Variants in GALNT10 observed in about 807,000 individuals in gnomAD.
The protein encoded by GALNT10 is GalNAc transferase 10.
GALNT10 carries 41 observed loss-of-function variants against 75.0 expected under a neutral mutation model. That is an observed-to-expected ratio of 0.55 (90% confidence interval 0.43 to 0.71). The LOEUF (loss-of-function observed/expected upper bound fraction) is 0.71. Ranked by LOEUF, GALNT10 falls within the 30% of genes least tolerant of loss-of-function variation. The probability of loss-of-function intolerance (pLI) is 0.00; values close to 1 mark genes in which losing one functional copy is unlikely to be tolerated. For missense variants in GALNT10, 727 were observed against 818.5 expected, an observed-to-expected ratio of 0.89 and a Z score of 1.36; for synonymous variants, 302 against 313.0, an observed-to-expected ratio of 0.96 and a Z score of 0.37.
At chr5:154,272,071 A>G (rs1753874491) in intron 1 of GALNT10, among the ~76,000 whole-genome samples, 1 of 152,122 alleles carries the variant, frequency 6.6e-6, no homozygotes, top group Non-Finnish European at 1.5e-5. Context: ...GCAAGTAAAT[A>G]CCCTTGGGAA....
At chr5:154,202,052 A>G (rs972502697) in intron 1 of GALNT10, among the ~76,000 whole-genome samples, 1 of 152,190 alleles carries the variant, frequency 6.6e-6, no homozygotes, top group Non-Finnish European at 1.5e-5. Flanking sequence ...AAGTGTTAGG[A>G]TCCATTAAAT....
chr5:154,350,855 G>A (rs1755195680), intron 4 of GALNT10, among the ~76,000 whole-genome samples: 1 of 152,192 alleles, frequency 6.6e-6, no homozygotes, highest in South Asian at 2.1e-4. Flanking sequence ...AAAATATGCT[G>A]TAAGCCGGTG....
At chr5:154,210,367 C>A (rs551730697) in intron 1 of GALNT10, among the ~76,000 whole-genome samples, 6 of 143,472 alleles carry the variant, frequency 4.2e-5, no homozygotes, top group Admixed American at 3.4e-4. Context: ...CATGCACTTG[C>A]ATGCACACAC....
intron 8 of GALNT10, chr5:154,406,062 A>G (rs982057360): frequency 6.6e-6 from 1 of 151,880 alleles, no homozygotes; most frequent in Admixed American, 6.6e-5. Context: ...TTTTAACCCC[A>G]TTTTAGGGAT....
At chr5:154,405,206 A>G (rs1019760027) in intron 8 of GALNT10, among the ~76,000 whole-genome samples, 1 of 152,090 alleles carries the variant, frequency 6.6e-6, no homozygotes, top group African/African-American at 2.4e-5. Context: ...CCACTTGACA[A>G]CCTTGACGTG....
chr5:154,339,191 C>A (rs937904417), intron 4 of GALNT10, among the ~76,000 whole-genome samples: 3 of 152,166 alleles, frequency 2.0e-5, no homozygotes, highest in African/African-American at 7.2e-5. Context: ...CATTGGGAAT[C>A]ACATTGACAG....
At position 154,298,181 on chromosome 5, in the gene GALNT10, A is replaced by T; in HGVS notation, c.401+102A>T. The T allele has an allele frequency of 9.8e-7, 1 of 1,017,026 alleles. No homozygotes were observed. Among genetic ancestry groups the T allele is most frequent in the South Asian group, 1.5e-5 (1 of 68,884 alleles). The allele number at this position is 1,017,026 out of a possible 1,614,324, so 63.0% of individuals were successfully genotyped here. A position where few individuals can be genotyped will look rare whatever the true frequency, so the allele number is the denominator to read the frequency against. On this transcript the variant is annotated intron_variant, in intron 3 of 11. Transcript: ENST00000297107. This position sits in a 1 kb window ranked among gnomAD's most constrained non-coding sequence, Gnocchi z 4.1. The stretch of plus-strand genomic sequence containing the variant: ...GGTACATGGAGCCCTGCTGACGGAG[A>T]CACCCTCCTCTTTCACAGGCATTTG...
intron 4 of GALNT10, among the ~76,000 whole-genome samples, chr5:154,364,736 A>G (rs1342720517): frequency 6.6e-6 from 1 of 152,088 alleles, no homozygotes; most frequent in Non-Finnish European, 1.5e-5. Flanking sequence ...CGGCATCCTA[A>G]ATGAAATACA....
intron 1 of GALNT10, among the ~76,000 whole-genome samples, chr5:154,285,690 C>T (rs13180925): frequency 0.36 from 53,998 of 152,040 alleles, 11,778 homozygotes; most frequent in East Asian, 0.76. Flanking sequence ...TAGCCTCCTT[C>T]CCAGCCTCCA....
chr5:154,350,608 G>A (rs1162067983), intron 4 of GALNT10, among the ~76,000 whole-genome samples: 2 of 152,170 alleles, frequency 1.3e-5, no homozygotes, highest in Admixed American at 6.5e-5. Context: ...TTAACAACAA[G>A]CTGGAGTAAA....
At chr5:154,407,272 C>T (rs898195817) in intron 8 of GALNT10, among the ~76,000 whole-genome samples, 1 of 151,984 alleles carries the variant, frequency 6.6e-6, no homozygotes, top group Non-Finnish European at 1.5e-5. Context: ...ATGAGGAGCC[C>T]GAAGCCCACT....
chr5:154,361,017 A>G (rs1055478414), intron 4 of GALNT10, among the ~76,000 whole-genome samples: 2 of 152,324 alleles, frequency 1.3e-5, no homozygotes, highest in South Asian at 4.1e-4. Flanking sequence ...GTTTATTAAA[A>G]AGATTTATCA....
intron 8 of GALNT10, among the ~76,000 whole-genome samples, chr5:154,408,919 C>T (rs899123708): frequency 2.6e-5 from 4 of 152,082 alleles, no homozygotes; most frequent in Admixed American, 1.3e-4. Flanking sequence ...TGTTAAAAGG[C>T]GGAATGCATT....
intron 1 of GALNT10, among the ~76,000 whole-genome samples, chr5:154,269,945 G>C (rs1247275041): frequency 6.6e-6 from 1 of 152,156 alleles, no homozygotes; most frequent in Non-Finnish European, 1.5e-5. Context: ...AACAAGTCCA[G>C]GTAGTCTGAC....
intron 4 of GALNT10, chr5:154,338,045 T>A: frequency 7.2e-7 from 1 of 1,391,764 alleles, no homozygotes; most frequent in Non-Finnish European, 1.0e-6. Flanking sequence ...CATTTTTCCA[T>A]ACTGTTCAAA....
chr5:154,207,488 C>A (rs935882695), intron 1 of GALNT10, among the ~76,000 whole-genome samples: 52 of 152,298 alleles, frequency 3.4e-4, no homozygotes, highest in African/African-American at 1.2e-3. Flanking sequence ...GCTCCACATA[C>A]TAAACAGGTC....
chr5:154,368,554 G>A (rs941367478), intron 4 of GALNT10, among the ~76,000 whole-genome samples: 8 of 152,174 alleles, frequency 5.3e-5, no homozygotes, highest in South Asian at 4.1e-4. Context: ...TCTTACAAGC[G>A]GACTCATGTC....
intron 3 of GALNT10, among the ~76,000 whole-genome samples, chr5:154,320,510 C>A (rs996473837): frequency 2.6e-5 from 4 of 152,162 alleles, no homozygotes; most frequent in African/African-American, 9.7e-5. Flanking sequence ...TCAAGCAAGC[C>A]TCCTGTGAAA....
chr5:154,277,085 G>A (rs537714077), intron 1 of GALNT10, among the ~76,000 whole-genome samples: 12 of 152,168 alleles, frequency 7.9e-5, no homozygotes, highest in Admixed American at 2.6e-4. Flanking sequence ...GTTGCTCAAA[G>A]GACTACACAT....
Sources: gnomAD v4.1 joint callset for allele counts (sites outside exome capture counted in the v4.1 genomes callset) on GRCh38, gnomAD v4.1.1 for gene constraint, Gnocchi (gnomAD v3.1) non-coding constraint, MANE v1.5 for transcripts, NCBI Gene and HGNC (gene_info 2026-07-23, HGNC 2026-07-21) for gene names.